The following GBP4 variants were observed in gnomAD, a reference collection of about 807,000 sequenced individuals.
GBP4 encodes the protein guanylate-binding protein 4.
GBP4 carries 69 observed loss-of-function variants against 62.2 expected under a neutral mutation model. The observed-to-expected ratio is 1.11, with a 90% CI of 0.91 to 1.36. GBP4 has a LOEUF of 1.36. Among genes scored for constraint, GBP4 ranks in the 40% most tolerant of loss-of-function variants. The pLI is 0.00. For synonymous variants in GBP4, 278 were observed against 274.6 expected (o/e 1.01, Z -0.12); for missense variants, 697 against 759.3 (o/e 0.92, Z 0.96).
At position 89,191,258 on chromosome 1, in the gene GBP4, C is replaced by CA. The variant is rs1648173509; in HGVS notation, c.916+2dup. On this transcript the variant is annotated splice_region_variant and intron_variant, in intron 6 of 10. Transcript: ENST00000355754. ...ACATGCTTTGGGACAAAAAAAGACT[C>CA]ACGCTTTCCAGTGACAATGATTCCC... The CA allele has an allele frequency of 6.2e-7, 1 of 1,610,226 alleles. No homozygotes were observed. The highest frequency in any genetic ancestry group is 8.5e-7 in the Non-Finnish European group (1 of 1,176,746).
At position 89,184,710 on chromosome 1, in the gene GBP4, T is replaced by G. The variant is rs1399361674; in HGVS notation, c.*544A>C. 6.6e-6 allele frequency: 1 copy of G among 152,156 alleles called. No homozygotes were observed. The highest frequency in any genetic ancestry group is 1.9e-4 in the East Asian group (1 of 5,194). The allele number at this position is 152,156 out of a possible 1,614,324, so 9.4% of individuals were successfully genotyped here. A position where few individuals can be genotyped will look rare whatever the true frequency, so the allele number is the denominator to read the frequency against. On this transcript the variant is annotated 3_prime_UTR_variant, in exon 11 of 11. Transcript: ENST00000355754. ...CTGGGGTCTACTTGAGGGTGTAGGT[T>G]GGGAGGAGGGAGAAGATCAGAAAAA...
rs372997606 is a variant in GBP4, at chr1:89,197,964, C to T, written c.41-660G>A. ...AGAGACGGCTAGTGCTCAAAATTCT[C>T]TCGGCCCGAAGAAGGGGCTAGATTT... On this transcript the variant is annotated intron_variant, in intron 1 of 10. Coordinates refer to ENST00000355754, the MANE Select transcript of GBP4 (RefSeq NM_052941.5). 1.3e-4 allele frequency among the ~76,000 whole-genome samples: 19 copies of T among 151,958 alleles called. No individual in the cohort carries two copies. The East Asian group carries it at 3.7e-3, about 29-fold the overall frequency.
Position 89,191,260 on chromosome 1 carries a change from C to G in GBP4, c.916+1G>C, listed in dbSNP as rs767602708. ...ATGCTTTGGGACAAAAAAAGACTCACGCTTTCCAGTGACAATGATTCCCTC... is the reference window on the plus strand; with the variant it reads ...ATGCTTTGGGACAAAAAAAGACTCAGGCTTTCCAGTGACAATGATTCCCTC... On this transcript the variant is annotated splice_donor_variant, in intron 6 of 10. Transcript: ENST00000355754. LOFTEE classifies it high-confidence loss of function. 2 of 1,610,998 alleles carry G rather than the reference C, an allele frequency of 1.2e-6. No individual in the cohort carries two copies. Among genetic ancestry groups the G allele is most frequent in the African/African-American group, 1.3e-5 (1 of 75,022 alleles).
chr1:89,198,792 TAC>T lies in GBP4; in HGVS notation c.40+1_40+2del. 1 of 1,613,110 alleles carries T rather than the reference TAC, an allele frequency of 6.2e-7. No homozygotes were observed. Among genetic ancestry groups the T allele is most frequent in the Non-Finnish European group, 8.5e-7 (1 of 1,179,034 alleles). Reference sequence around the variant, plus strand: ...GAAAGGTAAAGCTTAAGAGCAAACTTACCTGGTGTGGGCACTGCAGCGTGAAG... The same window carrying T: ...GAAAGGTAAAGCTTAAGAGCAAACTTCTGGTGTGGGCACTGCAGCGTGAAG... On this transcript the variant is annotated splice_donor_variant, in intron 1 of 10. Transcript: ENST00000355754. LOFTEE classifies it high-confidence loss of function.
chr1:89,197,326 T>TCAGG, intron 1 of GBP4, 22 bp from the exon 2 acceptor site: 1 of 1,603,402 alleles, frequency 6.2e-7, no homozygotes, highest in Non-Finnish European at 8.5e-7. Context: ...AAAAAAATAC[T>TCAGG]CAGTAGAATA....
Position 89,190,250 on chromosome 1 carries a change from C to T in GBP4, c.985G>A (p.Ala329Thr), listed in dbSNP as rs1236076779. 1.2e-6 allele frequency: 2 copies of T among 1,614,172 alleles called. No individual in the cohort carries two copies. Among genetic ancestry groups the T allele is most frequent in the Non-Finnish European group, 1.7e-6 (2 of 1,180,018 alleles). The change falls in exon 7 of 11, where the codon GCA (alanine) becomes ACA (threonine). Residue 329 changes from alanine (A) to threonine (T), a missense_variant. Physicochemically the swap from Ala to Thr is moderately conservative, Grantham distance 58. Transcript: ENST00000355754. ...NSGAVPCLEN[A>T]VTALAQLENP... ...TCAAGCTGGGCCAGTGCTGTCACTGCATTCTCCAGACAAGGTACTGCTCCA... is the reference window on the plus strand; with the variant it reads ...TCAAGCTGGGCCAGTGCTGTCACTGTATTCTCCAGACAAGGTACTGCTCCA...
intron 6 of GBP4, 148 bp downstream of exon 6, chr1:89,191,113 A>G: frequency 1.0e-6 from 1 of 959,268 alleles, no homozygotes; most frequent in South Asian, 1.8e-5. Flanking sequence ...TTAATTAAGA[A>G]ACATTCATTT....
rs745698559 is a variant in GBP4 at position 89,185,412 on chromosome 1, CTTTA to C, written c.1761_1764del (p.Asn587LysfsTer6). ...ATTTTTTCTTTCAGTTGATTAATCT[CTTTA>C]TTTAACTGCTCAGATTTCTTTTGAA... On this transcript the variant is annotated frameshift_variant, in exon 11 of 11. Transcript: ENST00000355754. LOFTEE classifies it low-confidence loss of function (END_TRUNC). The C allele has an allele frequency of 1.9e-6, 3 of 1,579,456 alleles. No homozygotes were observed. The highest frequency in any genetic ancestry group is 2.7e-5 in the African/African-American group (2 of 74,222).
chr1:89,189,772 T>G (rs2100675413), intron 7 of GBP4, among the ~76,000 whole-genome samples: 1 of 152,334 alleles, frequency 6.6e-6, no homozygotes, highest in South Asian at 2.1e-4. Context: ...GACACCCTGA[T>G]AAGGACTTCT....
At chr1:89,191,184 G>A in intron 6 of GBP4, 77 bp downstream of exon 6, 1 of 1,509,558 alleles carries the variant, frequency 6.6e-7, no homozygotes. Flanking sequence ...CAATATTATT[G>A]AAAAACTTGC....
At chr1:89,187,795 A>G (rs1233560430) in intron 8 of GBP4, among the ~76,000 whole-genome samples, 2 of 152,234 alleles carry the variant, frequency 1.3e-5, no homozygotes, top group African/African-American at 4.8e-5. Flanking sequence ...ATTTTATCTC[A>G]CACATTTTAG....
At chr1:89,198,754 C>T in intron 1 of GBP4, 41 bp downstream of exon 1, 1 of 1,565,910 alleles carries the variant, frequency 6.4e-7, no homozygotes, top group Non-Finnish European at 8.8e-7. Flanking sequence ...TTTGTTATAA[C>T]CCAAATATAC....
rs1301974290 is a variant in GBP4 at position 89,183,155 on chromosome 1, A to G, written c.*2099T>C. On this transcript the variant is annotated 3_prime_UTR_variant, in exon 11 of 11. Coordinates refer to ENST00000355754, the MANE Select transcript of GBP4 (RefSeq NM_052941.5). ...AAGTTACCAAACCTCAAACCATACT[A>G]CAGAGCTACAGTAACCAAAACAGCA... 6.6e-6 allele frequency: 1 copy of G among 152,242 alleles called. No individual in the cohort carries two copies. Among genetic ancestry groups the G allele is most frequent in the Non-Finnish European group, 1.5e-5 (1 of 68,048 alleles). 9.4% of individuals were successfully genotyped at this position (152,242 alleles called of 1,614,324 possible).
rs1400708377 is a variant in GBP4, at chr1:89,181,595, C to T, written c.*3659G>A. ...ACATATACATTTATATTTATATGTA[C>T]TATATAAATACCCAATAGTAGAATT... On this transcript the variant is annotated 3_prime_UTR_variant, in exon 11 of 11. Transcript: ENST00000355754. The T allele has an allele frequency of 7.2e-5, 11 of 151,826 alleles. No individual in the cohort carries two copies. The allele number at this position is 151,826 out of a possible 1,614,324, so 9.4% of individuals were successfully genotyped here.
intron 6 of GBP4, 36 bp downstream of exon 6, chr1:89,191,225 A>G: frequency 1.2e-6 from 2 of 1,604,228 alleles, no homozygotes; most frequent in Non-Finnish European, 1.7e-6. Flanking sequence ...ATCCTGGACC[A>G]CAGACAGACA....
rs1258059512 is a variant in GBP4, at chr1:89,181,712, ACT to A, written c.*3540_*3541del. The A allele has an allele frequency of 2.6e-5, 4 of 152,166 alleles. No individual in the cohort carries two copies. The highest frequency in any genetic ancestry group is 9.6e-5 in the African/African-American group (4 of 41,516). 9.4% of individuals were successfully genotyped at this position (152,166 alleles called of 1,614,324 possible). A position where few individuals can be genotyped will look rare whatever the true frequency, so the allele number is the denominator to read the frequency against. On this transcript the variant is annotated 3_prime_UTR_variant, in exon 11 of 11. Transcript: ENST00000355754. ...ATATGAGACACAGTCAGTTTCCCTA[ACT>A]CTGTGCCAGCTCACTGTCCTGTTCT...
chr1:89,186,948 G>A (rs367579847), intron 9 of GBP4, 52 bp downstream of exon 9: 7 of 1,483,550 alleles, frequency 4.7e-6, no homozygotes, highest in Non-Finnish European at 6.6e-6. Context: ...TCAGCAAGAA[G>A]GCATTGCAGG....
Position 89,191,389 on chromosome 1 carries a change from T to G in GBP4, c.788A>C (p.His263Pro). The change falls in exon 6 of 11, where the codon CAT becomes CCT. Residue 263 changes from histidine (H) to proline (P), a missense_variant. By Grantham distance (77) the His-to-Pro change is moderately conservative. Coordinates refer to ENST00000355754, the MANE Select transcript of GBP4 (RefSeq NM_052941.5). ...ATTTTCTTCTGGCACTTCGTCCATA[T>G]GATTTAAATATTGCTTGTCATTTGT... ...RPTNDKQYLN[H>P]MDEVPEENLE... The G allele has an allele frequency of 6.2e-7, 1 of 1,614,242 alleles. No individual in the cohort carries two copies. The highest frequency in any genetic ancestry group is 8.5e-7 in the Non-Finnish European group (1 of 1,180,030).
intron 10 of GBP4, among the ~76,000 whole-genome samples, 180 bp downstream of exon 10, chr1:89,186,153 G>C (rs989363752): frequency 2.6e-5 from 4 of 152,164 alleles, no homozygotes; most frequent in Admixed American, 1.3e-4. Context: ...AGAAGAAGAT[G>C]GTGGATTCTT....
Sources: allele counts gnomAD v4.1 joint callset (sites outside exome capture counted in the v4.1 genomes callset), GRCh38; gene constraint gnomAD v4.1.1; transcripts MANE v1.5; gene names NCBI Gene and HGNC (gene_info 2026-07-23, HGNC 2026-07-21).